Variants in LRMDA observed in about 807,000 individuals in gnomAD.
The protein encoded by LRMDA is leucine-rich melanocyte differentiation-associated protein.
Under a neutral mutation model 29.8 loss-of-function variants are expected in LRMDA, and 18 were observed. That is an observed-to-expected ratio of 0.60 (90% CI 0.42 to 0.90). The LOEUF (loss-of-function observed/expected upper bound fraction) is 0.90, where lower values mean the gene tolerates loss of function less well. LRMDA is among the 40% of genes least tolerant of loss of function. LRMDA has a pLI of 0.00. For synonymous variants in LRMDA, 125 were observed against 109.4 expected (o/e 1.14, Z -0.89); for missense variants, 273 against 273.9 (o/e 1.00, Z 0.02).
chr10:75,822,747 A>G (rs1158586610), intron 2 of LRMDA, among the ~76,000 whole-genome samples: 1 of 152,070 alleles, frequency 6.6e-6, no homozygotes, highest in African/African-American at 2.4e-5. Context: ...TTTTTCAGAG[A>G]CAGGGTCTTA....
chr10:76,143,016 T>G (rs1458414115), intron 5 of LRMDA, among the ~76,000 whole-genome samples: 2 of 152,192 alleles, frequency 1.3e-5, no homozygotes, highest in Admixed American at 6.5e-5. Flanking sequence ...ACAAAGGACA[T>G]GAACGCATCA....
chr10:76,324,968 T>TCC (rs917456608), intron 6 of LRMDA, among the ~76,000 whole-genome samples: 1 of 152,246 alleles, frequency 6.6e-6, no homozygotes. Context: ...TCTCTTATTT[T>TCC]CAAAATATTA....
At chr10:75,729,875 A>G (rs1253554297) in intron 2 of LRMDA, among the ~76,000 whole-genome samples, 1 of 152,182 alleles carries the variant, frequency 6.6e-6, no homozygotes, top group African/African-American at 2.4e-5. Flanking sequence ...ATAGCTCACT[A>G]CAGCCTGGAA....
chr10:75,824,345 T>C (rs1181857827), intron 2 of LRMDA, among the ~76,000 whole-genome samples: 1 of 152,226 alleles, frequency 6.6e-6, no homozygotes, highest in African/African-American at 2.4e-5. Context: ...TATAGCTTAC[T>C]GTCTATTTTT....
intron 2 of LRMDA, among the ~76,000 whole-genome samples, chr10:75,828,587 G>T (rs1844285175): frequency 6.6e-6 from 1 of 152,108 alleles, no homozygotes; most frequent in Non-Finnish European, 1.5e-5. Flanking sequence ...GAAGTTGCAA[G>T]GCATATATAT....
intron 4 of LRMDA, among the ~76,000 whole-genome samples, chr10:76,055,889 G>C (rs1379376958): frequency 1.3e-5 from 2 of 152,178 alleles, no homozygotes; most frequent in Non-Finnish European, 2.9e-5. Flanking sequence ...TTAGGTCTGG[G>C]CTCCCCAAAG....
chr10:75,715,196 T>C (rs1842485685), intron 2 of LRMDA, among the ~76,000 whole-genome samples: 1 of 152,214 alleles, frequency 6.6e-6, no homozygotes, highest in Non-Finnish European at 1.5e-5. Context: ...ACGGTCAATA[T>C]GGATCTTACT....
intron 2 of LRMDA, among the ~76,000 whole-genome samples, chr10:75,511,749 T>C (rs145828565): frequency 7.9e-5 from 12 of 152,334 alleles, no homozygotes; most frequent in African/African-American, 2.6e-4. Flanking sequence ...TGGACTGTTG[T>C]CTTTTTCTTC....
At position 76,557,309 on chromosome 10, in the gene LRMDA, C is replaced by T; in HGVS notation, c.*21C>T. The T allele has an allele frequency of 1.3e-6, 2 of 1,561,380 alleles. No individual in the cohort carries two copies. Among genetic ancestry groups the T allele is most frequent in the Non-Finnish European group, 1.8e-6 (2 of 1,134,810 alleles). ...TCTGAAGCCAACTTCTGTATACCTT[C>T]ACCCATTTCATGAAAATAAAATCAA... On this transcript the variant is annotated 3_prime_UTR_variant, in exon 7 of 7. Transcript: ENST00000611255.
chr10:76,147,355 C>T (rs1850345758), intron 5 of LRMDA, among the ~76,000 whole-genome samples: 1 of 152,086 alleles, frequency 6.6e-6, no homozygotes, highest in Non-Finnish European at 1.5e-5. Flanking sequence ...TTCACATAGT[C>T]CCATATTTCT....
chr10:76,005,594 C>T (rs985325192), intron 2 of LRMDA, among the ~76,000 whole-genome samples: 1 of 148,568 alleles, frequency 6.7e-6, no homozygotes, highest in African/African-American at 2.5e-5. Context: ...GCCTGGGTAA[C>T]AGAGTCCTAT....
chr10:76,029,725 C>T (rs1848118393), intron 2 of LRMDA, among the ~76,000 whole-genome samples: 1 of 152,146 alleles, frequency 6.6e-6, no homozygotes, highest in Non-Finnish European at 1.5e-5. Context: ...CAGGGGGCTT[C>T]AGACCTAGTT....
At chr10:75,676,499 A>G (rs1402307097) in intron 2 of LRMDA, among the ~76,000 whole-genome samples, 1 of 152,166 alleles carries the variant, frequency 6.6e-6, no homozygotes, top group African/African-American at 2.4e-5. Context: ...GTACTAGGCC[A>G]CATCACATCA....
At chr10:75,964,750 T>TTTTG (rs1310202154) in intron 2 of LRMDA, among the ~76,000 whole-genome samples, 4 of 152,136 alleles carry the variant, frequency 2.6e-5, no homozygotes, top group South Asian at 4.2e-4. Context: ...AGCCTAGTGG[T>TTTTG]TTTGTTTGTT....
intron 2 of LRMDA, among the ~76,000 whole-genome samples, chr10:75,771,790 G>C (rs1423140021): frequency 6.6e-6 from 1 of 152,144 alleles, no homozygotes; most frequent in African/African-American, 2.4e-5. Context: ...TTGTGAAGAA[G>C]GGTGTGGCAC....
At chr10:75,912,508 G>A (rs1845858909) in intron 2 of LRMDA, among the ~76,000 whole-genome samples, 1 of 152,172 alleles carries the variant, frequency 6.6e-6, no homozygotes. Context: ...CAGGCTGAGA[G>A]AACAGCTTCT....
chr10:76,523,545 A>G (rs1308211605), intron 6 of LRMDA, among the ~76,000 whole-genome samples: 1 of 151,146 alleles, frequency 6.6e-6, no homozygotes, highest in Admixed American at 6.6e-5. Flanking sequence ...GCACTTTTCT[A>G]CTTCTCTGCC....
chr10:76,442,347 C>CT (rs1225225548), intron 6 of LRMDA, among the ~76,000 whole-genome samples: 1 of 152,162 alleles, frequency 6.6e-6, no homozygotes, highest in Admixed American at 6.5e-5. Flanking sequence ...TTCTCACAAC[C>CT]TTGCTTCTCC....
intron 2 of LRMDA, among the ~76,000 whole-genome samples, chr10:75,830,048 G>C (rs74147201): frequency 0.015 from 2,254 of 152,168 alleles, 79 homozygotes; most frequent in East Asian, 0.14. Flanking sequence ...TTATTTTGCA[G>C]TATGATGGAG....
Sources: allele counts gnomAD v4.1 joint callset (sites outside exome capture counted in the v4.1 genomes callset), GRCh38; gene constraint gnomAD v4.1.1; transcripts MANE v1.5; gene names NCBI Gene and HGNC (gene_info 2026-07-23, HGNC 2026-07-21).